IKZF2: variants seen among roughly 807,000 people sequenced by gnomAD.
IKZF2 encodes IKAROS family zinc finger 2.
A neutral mutation model predicts 49.2 loss-of-function variants in IKZF2; 15 were observed. That is an observed-to-expected ratio of 0.30 (90% CI 0.20 to 0.47). The LOEUF (loss-of-function observed/expected upper bound fraction) is 0.47. IKZF2 is among the 20% of genes least tolerant of loss of function. The pLI, the probability that IKZF2 is intolerant of heterozygous loss-of-function variation, is 1.00. For synonymous variants in IKZF2, 227 were observed against 221.4 expected (o/e 1.03, Z -0.23); for missense variants, 567 against 664.6 (o/e 0.85, Z 1.61).
chr2:213,103,262 C>T (rs183222565), intron 4 of IKZF2, among the ~76,000 whole-genome samples: 239 of 152,256 alleles, frequency 1.6e-3, no homozygotes, highest in Middle Eastern at 6.8e-3. Context: ...GAGAGACCAA[C>T]AGACATGTAT....
chr2:213,012,839 G>C (rs773109433), intron 8 of IKZF2, among the ~76,000 whole-genome samples: 3 of 152,128 alleles, frequency 2.0e-5, no homozygotes, highest in Non-Finnish European at 4.4e-5. Context: ...GTCCCACAAT[G>C]CTGACACTAG....
chr2:213,147,925 T>TA, intron 3 of IKZF2, 113 bp from the exon 4 acceptor site: 1 of 706,144 alleles, frequency 1.4e-6, no homozygotes, highest in Non-Finnish European at 2.5e-6. Flanking sequence ...TGTAAGGTAA[T>TA]ACATTTTTCC....
intron 6 of IKZF2, among the ~76,000 whole-genome samples, chr2:213,032,738 C>T (rs1698595546): frequency 6.6e-6 from 1 of 152,220 alleles, no homozygotes; most frequent in Admixed American, 6.5e-5. Context: ...TACACATACA[C>T]TGTAAAGATA....
chr2:213,100,512 G>A (rs1282388886), intron 4 of IKZF2, among the ~76,000 whole-genome samples: 11 of 151,902 alleles, frequency 7.2e-5, no homozygotes, highest in African/African-American at 2.4e-5. Context: ...AAATACCATA[G>A]GGGCCCCTTG....
At chr2:213,089,594 C>G (rs901231394) in intron 4 of IKZF2, among the ~76,000 whole-genome samples, 7 of 152,134 alleles carry the variant, frequency 4.6e-5, no homozygotes, top group Non-Finnish European at 7.3e-5. Flanking sequence ...ACTAGAAAAT[C>G]CACTGCTTTT....
intron 4 of IKZF2, among the ~76,000 whole-genome samples, chr2:213,067,776 T>C (rs1451861251): frequency 6.6e-6 from 1 of 152,034 alleles, no homozygotes; most frequent in Non-Finnish European, 1.5e-5. Flanking sequence ...GTCTGTCTTT[T>C]TATATATATA....
At chr2:213,052,604 A>G (rs550847296) in intron 5 of IKZF2, among the ~76,000 whole-genome samples, 1 of 152,226 alleles carries the variant, frequency 6.6e-6, no homozygotes, top group East Asian at 1.9e-4. Context: ...AGTTGGAATC[A>G]TAATGAAACC....
At chr2:213,061,761 A>C (rs749108300) in intron 4 of IKZF2, among the ~76,000 whole-genome samples, 2 of 151,562 alleles carry the variant, frequency 1.3e-5, no homozygotes, top group Non-Finnish European at 3.0e-5. Context: ...CTATTAACTT[A>C]AATAAGTAAC....
At chr2:213,012,180 A>G (rs1230423703) in intron 8 of IKZF2, among the ~76,000 whole-genome samples, 1 of 152,018 alleles carries the variant, frequency 6.6e-6, no homozygotes, top group Non-Finnish European at 1.5e-5. Flanking sequence ...ATATATTACT[A>G]GGATAGAATC....
rs183810857 is a variant in IKZF2 at position 213,118,430 on chromosome 2, T to C, written c.139+29278A>G. Among the ~76,000 whole-genome samples the C allele has an allele frequency of 3.2e-3, 495 of 152,342 alleles. 3 individuals are homozygous for C. Among genetic ancestry groups the C allele is most frequent in the African/African-American group, 0.011 (460 of 41,590 alleles). On this transcript the variant is annotated intron_variant, in intron 4 of 8. Coordinates refer to ENST00000434687, the MANE Select transcript of IKZF2 (RefSeq NM_001387220.1). ...TTCTAAGACTATCGAGTATATGTTA[T>C]GTGGTATTTAAAGACATTTGTAAAT...
At position 213,006,597 on chromosome 2, in the gene IKZF2, TC is replaced by T. The variant is rs1344972731; in HGVS notation, c.*762del. On this transcript the variant is annotated 3_prime_UTR_variant, in exon 9 of 9. Coordinates refer to ENST00000434687, the MANE Select transcript of IKZF2 (RefSeq NM_001387220.1). ...TCTGAAAACTACATAAAAATACTAT[TC>T]CTTAAAGGTGTTAAAAGTAAGGCTG... The T allele has an allele frequency of 6.6e-6, 1 of 152,370 alleles. No individual in the cohort carries two copies. The highest frequency in any genetic ancestry group is 1.5e-5 in the Non-Finnish European group (1 of 67,982). 9.4% of individuals were successfully genotyped at this position (152,370 alleles called of 1,614,324 possible).
At chr2:213,064,176 C>T (rs894422810) in intron 4 of IKZF2, among the ~76,000 whole-genome samples, 3 of 151,812 alleles carry the variant, frequency 2.0e-5, no homozygotes, top group African/African-American at 2.4e-5. Flanking sequence ...TATGAATTAT[C>T]GGTGGTAGGT....
intron 4 of IKZF2, among the ~76,000 whole-genome samples, chr2:213,119,800 T>C (rs2059991889): frequency 6.6e-6 from 1 of 152,206 alleles, no homozygotes; most frequent in Non-Finnish European, 1.5e-5. Context: ...GGGCATGTGA[T>C]ATCAGATTAA....
In IKZF2 at chr2:213,089,502, G is replaced by GT. The variant is rs1471415539; in HGVS notation, c.140-32404dup. 6.6e-5 allele frequency among the ~76,000 whole-genome samples: 10 copies of GT among 152,200 alleles called. No individual in the cohort carries two copies. In the South Asian group the frequency reaches 8.3e-4, roughly 13 times the overall value. On this transcript the variant is annotated intron_variant, in intron 4 of 8. Transcript: ENST00000434687. ...GATCTCTCCCCTCTTTCAGACCACT[G>GT]TAACCAAACCAAACTGGTACCCTTG...
intron 4 of IKZF2, among the ~76,000 whole-genome samples, chr2:213,065,009 T>A (rs1190303684): frequency 6.6e-6 from 1 of 152,040 alleles, no homozygotes; most frequent in Non-Finnish European, 1.5e-5. Context: ...CAAAGTGTAG[T>A]CCCATCATAT....
chr2:213,046,307 G>T (rs1190214816), intron 6 of IKZF2, among the ~76,000 whole-genome samples: 1 of 152,158 alleles, frequency 6.6e-6, no homozygotes, highest in Non-Finnish European at 1.5e-5. Context: ...GGAAGCCCAA[G>T]TATACTGTAT....
Position 213,007,266 on chromosome 2 carries a change from A to G in IKZF2, c.*94T>C. 1 of 1,310,576 alleles carries G rather than the reference A, an allele frequency of 7.6e-7. No homozygotes were observed. 81.2% of individuals were successfully genotyped at this position (1,310,576 alleles called of 1,614,324 possible). On this transcript the variant is annotated 3_prime_UTR_variant, in exon 9 of 9. Coordinates refer to ENST00000434687, the MANE Select transcript of IKZF2 (RefSeq NM_001387220.1). ...AATAATATTAAAAAAAATAAAAGGT[A>G]TGTCAACATTTGAGGAAAGGTGGGA...
intron 4 of IKZF2, among the ~76,000 whole-genome samples, chr2:213,145,958 T>C (rs183173065): frequency 1.1e-3 from 172 of 152,212 alleles, no homozygotes; most frequent in Admixed American, 1.8e-3. Context: ...CACTGTTTAT[T>C]TAAAAAGATG....
chr2:213,030,179 G>T (rs1698255058), intron 6 of IKZF2, among the ~76,000 whole-genome samples: 2 of 152,116 alleles, frequency 1.3e-5, no homozygotes, highest in Admixed American at 1.3e-4. Context: ...AAAATTGTTG[G>T]TAGTTTCCCA....
Sources: gnomAD v4.1 joint callset for allele counts (sites outside exome capture counted in the v4.1 genomes callset) on GRCh38, gnomAD v4.1.1 for gene constraint, MANE v1.5 for transcripts, NCBI Gene and HGNC (gene_info 2026-07-23, HGNC 2026-07-21) for gene names.